The following DCLK1 variants were observed in gnomAD, a reference collection of about 807,000 sequenced individuals.
DCLK1 encodes the protein doublecortin like kinase 1.
Under a neutral mutation model 86.2 loss-of-function variants are expected in DCLK1, and 16 were observed. That is an observed-to-expected ratio of 0.19 (90% CI 0.13 to 0.28). The LOEUF (loss-of-function observed/expected upper bound fraction) is 0.28, where lower values mean the gene tolerates loss of function less well. Among genes scored for constraint, DCLK1 ranks in the 10% least tolerant of loss-of-function variants. The pLI is 1.00. For synonymous variants in DCLK1, 369 were observed against 370.5 expected (o/e 1.00, Z 0.05); for missense variants, 590 against 940.2 (o/e 0.63, Z 4.87).
chr13:36,028,210 G>T (rs1384903837), intron 3 of DCLK1, among the ~76,000 whole-genome samples: 1 of 152,190 alleles, frequency 6.6e-6, no homozygotes, highest in Admixed American at 6.5e-5. Context: ...GTGTCTACTT[G>T]TAATGGATAC....
At chr13:35,905,744 G>A (rs566959503) in intron 4 of DCLK1, among the ~76,000 whole-genome samples, 14 of 152,178 alleles carry the variant, frequency 9.2e-5, no homozygotes, top group Admixed American at 4.6e-4. Flanking sequence ...TCAGGAGTTC[G>A]AGACCAGTCT....
At chr13:35,957,318 T>C in intron 3 of DCLK1, among the ~76,000 whole-genome samples, 1 of 152,170 alleles carries the variant, frequency 6.6e-6, no homozygotes, top group Non-Finnish European at 1.5e-5. Context: ...TTTAAAAATG[T>C]GTTTAAAGCA....
chr13:36,125,433 G>C (rs1886135052), intron 2 of DCLK1, among the ~76,000 whole-genome samples: 1 of 152,126 alleles, frequency 6.6e-6, no homozygotes, highest in South Asian at 2.1e-4. Context: ...AGTTTAATTT[G>C]CATTTAGAAA....
At chr13:35,903,648 T>TAC (rs1432311222) in intron 4 of DCLK1, among the ~76,000 whole-genome samples, 9 of 140,082 alleles carry the variant, frequency 6.4e-5, no homozygotes, top group African/African-American at 2.5e-4. Context: ...TTGAAGGCTA[T>TAC]ACATACACAC....
intron 3 of DCLK1, among the ~76,000 whole-genome samples, chr13:36,000,574 C>T (rs1433075763): frequency 6.6e-6 from 1 of 151,952 alleles, no homozygotes; most frequent in Admixed American, 6.6e-5. Context: ...CATTTACATA[C>T]CATTAAATAC....
chr13:35,848,429 G>A (rs1870370478), intron 6 of DCLK1: 1 of 985,264 alleles, frequency 1.0e-6, no homozygotes, highest in Non-Finnish European at 1.2e-6. Flanking sequence ...CTTTCAAAAA[G>A]TAAATGATAT....
chr13:35,936,268 A>G (rs1876744648), intron 4 of DCLK1, among the ~76,000 whole-genome samples: 1 of 152,244 alleles, frequency 6.6e-6, no homozygotes, highest in Admixed American at 6.5e-5. Flanking sequence ...GCTTAGTGGA[A>G]CTACTACATA....
At chr13:35,895,617 G>A (rs1043440923) in intron 4 of DCLK1, among the ~76,000 whole-genome samples, 2 of 151,938 alleles carry the variant, frequency 1.3e-5, no homozygotes, top group African/African-American at 4.8e-5. Context: ...TGGCATGTGG[G>A]TAGCTATCTC....
At chr13:35,881,386 C>G (rs1408833630) in intron 4 of DCLK1, among the ~76,000 whole-genome samples, 2 of 152,206 alleles carry the variant, frequency 1.3e-5, no homozygotes, top group African/African-American at 4.8e-5. Flanking sequence ...CCTACATCTT[C>G]CCCATACCAA....
intron 16 of DCLK1, among the ~76,000 whole-genome samples, chr13:35,781,701 TATTGTGC>T (rs1315918824): frequency 9.9e-5 from 15 of 152,168 alleles, no homozygotes; most frequent in African/African-American, 3.4e-4. Flanking sequence ...AAAAGAACAT[TATTGTGC>T]ATTTTGCCTT....
intron 3 of DCLK1, among the ~76,000 whole-genome samples, chr13:36,015,765 T>C (rs1362808112): frequency 1.3e-5 from 2 of 152,216 alleles, no homozygotes; most frequent in African/African-American, 4.8e-5. Context: ...CAAAGGACTT[T>C]ATTTTGCATC....
At position 35,826,442 on chromosome 13, in the gene DCLK1, G is replaced by C. The variant is rs1175888107; in HGVS notation, c.1407+1193C>G. Reference sequence around the variant, plus strand: ...GGAGGCTGAGGCAGGAGAATTGCTTGAACCCAGGAGGCAGAGGTTGCCGTG... The same window carrying C: ...GGAGGCTGAGGCAGGAGAATTGCTTCAACCCAGGAGGCAGAGGTTGCCGTG... On this transcript the variant is annotated intron_variant, in intron 10 of 16. Transcript: ENST00000360631. Among the ~76,000 whole-genome samples the C allele has an allele frequency of 2.7e-5, 4 of 149,868 alleles. 1 individual carries two copies. Among genetic ancestry groups the C allele is most frequent in the Non-Finnish European group, 5.9e-5 (4 of 67,662 alleles).
At chr13:35,781,893 A>G (rs1388955517) in intron 16 of DCLK1, among the ~76,000 whole-genome samples, 2 of 152,156 alleles carry the variant, frequency 1.3e-5, no homozygotes, top group Non-Finnish European at 2.9e-5. Context: ...TGACAAATCG[A>G]TTGAAATATC....
At chr13:35,819,266 GA>G (rs1448839305) in intron 11 of DCLK1, among the ~76,000 whole-genome samples, 1 of 152,100 alleles carries the variant, frequency 6.6e-6, no homozygotes, top group Non-Finnish European at 1.5e-5. Context: ...AAATGTGGCT[GA>G]AAACATCCCT....
intron 14 of DCLK1, among the ~76,000 whole-genome samples, chr13:35,806,812 C>T (rs766017037): frequency 3.9e-5 from 6 of 152,198 alleles, no homozygotes; most frequent in Admixed American, 6.5e-5. Context: ...CTGAAGAGCC[C>T]CCGGCCCTGC....
chr13:35,824,561 G>T (rs2087477097), intron 10 of DCLK1, among the ~76,000 whole-genome samples: 1 of 151,998 alleles, frequency 6.6e-6, no homozygotes, highest in Non-Finnish European at 1.5e-5. Flanking sequence ...GCAGCCATCT[G>T]GGCCTTCCTA....
At chr13:35,837,911 C>G (rs1307635185) in intron 7 of DCLK1, among the ~76,000 whole-genome samples, 2 of 151,648 alleles carry the variant, frequency 1.3e-5, no homozygotes, top group African/African-American at 4.8e-5. Flanking sequence ...ACTAAAAATA[C>G]AAAAATTAGC....
intron 3 of DCLK1, among the ~76,000 whole-genome samples, chr13:36,035,880 G>A (rs1882470157): frequency 6.6e-6 from 1 of 152,152 alleles, no homozygotes; most frequent in Non-Finnish European, 1.5e-5. Flanking sequence ...GTATCAGAGA[G>A]ATTAACCTCT....
chr13:35,867,789 A>G (rs1871900382), intron 5 of DCLK1, among the ~76,000 whole-genome samples: 1 of 150,920 alleles, frequency 6.6e-6, no homozygotes. Flanking sequence ...TCATCAGTCC[A>G]TTCTTTAACA....
Sources: allele counts gnomAD v4.1 joint callset (sites outside exome capture counted in the v4.1 genomes callset), GRCh38; gene constraint gnomAD v4.1.1; transcripts MANE v1.5; gene names NCBI Gene and HGNC (gene_info 2026-07-23, HGNC 2026-07-21).